Variants in IMMP2L observed in about 807,000 individuals in gnomAD.
IMMP2L encodes mitochondrial inner membrane protease subunit 2.
A neutral mutation model predicts 19.3 loss-of-function variants in IMMP2L; 18 were observed. That is an observed-to-expected ratio of 0.93 (90% CI 0.64 to 1.38). The LOEUF (loss-of-function observed/expected upper bound fraction) is 1.38. Ranked by LOEUF, IMMP2L falls within the 40% of genes most tolerant of loss-of-function variation. IMMP2L has a pLI of 0.00. For synonymous variants in IMMP2L, 76 were observed against 73.0 expected (o/e 1.04, Z -0.21); for missense variants, 233 against 218.2 (o/e 1.07, Z -0.43).
chr7:111,179,291 G>T (rs1807438261), intron 3 of IMMP2L, among the ~76,000 whole-genome samples: 1 of 151,942 alleles, frequency 6.6e-6, no homozygotes, highest in Non-Finnish European at 1.5e-5. Flanking sequence ...TCAACCTGCA[G>T]CCCACAGGCT....
intron 3 of IMMP2L, among the ~76,000 whole-genome samples, chr7:111,077,663 C>T (rs998349438): frequency 1.3e-5 from 2 of 152,200 alleles, no homozygotes; most frequent in Non-Finnish European, 2.9e-5. Context: ...AGTTTTGAAA[C>T]AGTGAGTACA....
intron 3 of IMMP2L, among the ~76,000 whole-genome samples, chr7:111,095,794 T>G (rs1236479526): frequency 1.3e-5 from 2 of 152,014 alleles, no homozygotes; most frequent in Admixed American, 6.6e-5. Context: ...ATGTGCCCTT[T>G]TTTTATATAC....
chr7:111,062,400 T>C (rs929052146), intron 3 of IMMP2L, among the ~76,000 whole-genome samples: 2 of 152,176 alleles, frequency 1.3e-5, no homozygotes, highest in Non-Finnish European at 2.9e-5. Flanking sequence ...CCATGACACA[T>C]GGGAACTATG....
intron 5 of IMMP2L, among the ~76,000 whole-genome samples, chr7:110,834,383 G>A (rs1804243471): frequency 7.1e-6 from 1 of 140,186 alleles, no homozygotes; most frequent in African/African-American, 2.6e-5. Flanking sequence ...TGTGTTATAT[G>A]CAACTTTATA....
chr7:110,701,943 AT>A (rs1009062022), intron 5 of IMMP2L, among the ~76,000 whole-genome samples: 2 of 150,960 alleles, frequency 1.3e-5, no homozygotes, highest in East Asian at 1.9e-4. Context: ...TTTTATTTTT[AT>A]TTTTTTTCTT....
chr7:110,727,700 A>G lies in IMMP2L; in HGVS notation c.409-63979T>C, dbSNP rs1422306711. On this transcript the variant is annotated intron_variant, in intron 5 of 5. Coordinates refer to ENST00000405709, the MANE Select transcript of IMMP2L (RefSeq NM_032549.4). The surrounding 1 kb of genome is among the most constrained non-coding windows in gnomAD (Gnocchi z 4.3). ...ATATTAAATATAACATGAGCTAGAT[A>G]TTTAAATTATTAAATTGAATCCGTA... is the stretch of plus-strand genomic sequence containing the variant. 6.6e-6 allele frequency among the ~76,000 whole-genome samples: 1 copy of G among 152,230 alleles called. No homozygotes were observed. Among genetic ancestry groups the G allele is most frequent in the Non-Finnish European group, 1.5e-5 (1 of 68,046 alleles).
chr7:110,784,271 G>A (rs1215599369), intron 5 of IMMP2L, among the ~76,000 whole-genome samples: 1 of 151,832 alleles, frequency 6.6e-6, no homozygotes, highest in Non-Finnish European at 1.5e-5. Flanking sequence ...CTGTCTGCAT[G>A]GTCTCAAAAC....
chr7:111,401,016 A>T (rs1411121959), intron 3 of IMMP2L, among the ~76,000 whole-genome samples: 1 of 151,950 alleles, frequency 6.6e-6, no homozygotes, highest in East Asian at 1.9e-4. Context: ...TCCTTGCTCT[A>T]GTTTAGTTGT....
At chr7:110,964,561 T>C (rs547629928) in intron 3 of IMMP2L, among the ~76,000 whole-genome samples, 2 of 152,170 alleles carry the variant, frequency 1.3e-5, no homozygotes, top group African/African-American at 4.8e-5. Context: ...TACTTGATTA[T>C]GGTAAATTTT....
At chr7:111,016,932 AAT>A (rs1825761541) in intron 3 of IMMP2L, among the ~76,000 whole-genome samples, 1 of 79,370 alleles carries the variant, frequency 1.3e-5, no homozygotes, top group Non-Finnish European at 2.3e-5. Context: ...TATATATACT[AAT>A]ATATATTACA....
At chr7:110,875,490 A>G (rs1440377010) in intron 5 of IMMP2L, among the ~76,000 whole-genome samples, 1 of 152,186 alleles carries the variant, frequency 6.6e-6, no homozygotes, top group African/African-American at 2.4e-5. Context: ...TAGAGTCTAC[A>G]TAATTCCATA....
At chr7:110,677,194 A>T (rs937693043) in intron 5 of IMMP2L, among the ~76,000 whole-genome samples, 8 of 152,172 alleles carry the variant, frequency 5.3e-5, no homozygotes, top group African/African-American at 1.7e-4. Flanking sequence ...TAACATTGAG[A>T]TTTCTTGTGG....
At chr7:111,442,091 C>T (rs753571681) in intron 3 of IMMP2L, among the ~76,000 whole-genome samples, 1 of 151,520 alleles carries the variant, frequency 6.6e-6, no homozygotes, top group African/African-American at 2.4e-5. Flanking sequence ...GAGCAGAGAT[C>T]ATGCCAGTGG....
intron 3 of IMMP2L, among the ~76,000 whole-genome samples, chr7:111,075,116 C>CTTT (rs55867543): frequency 5.3e-5 from 4 of 75,292 alleles, no homozygotes; most frequent in South Asian, 5.2e-4. Flanking sequence ...TGTTTTCAGA[C>CTTT]TTTTTTTTTT....
intron 5 of IMMP2L, among the ~76,000 whole-genome samples, chr7:110,702,370 T>A (rs1562926768): frequency 6.6e-6 from 1 of 152,176 alleles, no homozygotes. Flanking sequence ...AATTTTTGAA[T>A]AAGTGGTTAC....
chr7:111,008,746 G>A (rs906002025), intron 3 of IMMP2L, among the ~76,000 whole-genome samples: 11 of 151,922 alleles, frequency 7.2e-5, no homozygotes, highest in African/African-American at 1.5e-4. Context: ...GCACATAGTC[G>A]ACACTCAAAA....
chr7:110,914,772 GT>G (rs1336014366), intron 4 of IMMP2L, among the ~76,000 whole-genome samples: 1 of 135,250 alleles, frequency 7.4e-6, no homozygotes, highest in African/African-American at 2.8e-5. Flanking sequence ...TGGTACAATA[GT>G]TTTTGAAATA....
chr7:110,796,928 AC>A (rs1800902461), intron 5 of IMMP2L, among the ~76,000 whole-genome samples: 2 of 152,168 alleles, frequency 1.3e-5, no homozygotes, highest in South Asian at 4.1e-4. Flanking sequence ...GCTTATTGCG[AC>A]CTCAGCAAGT....
chr7:110,974,946 G>C (rs1377683519), intron 3 of IMMP2L, among the ~76,000 whole-genome samples: 1 of 152,020 alleles, frequency 6.6e-6, no homozygotes, highest in East Asian at 1.9e-4. Context: ...AATTCCTTAA[G>C]TCCTTATAAT....
Sources: allele counts gnomAD v4.1 joint callset (sites outside exome capture counted in the v4.1 genomes callset), GRCh38; gene constraint gnomAD v4.1.1; non-coding constraint Gnocchi (gnomAD v3.1); transcripts MANE v1.5; gene names NCBI Gene and HGNC (gene_info 2026-07-23, HGNC 2026-07-21).